EIF4E3: variants seen among roughly 807,000 people sequenced by gnomAD.
EIF4E3 encodes the protein eukaryotic translation initiation factor 4E type 3.
A neutral mutation model predicts 31.7 loss-of-function variants in EIF4E3; 26 were observed. That is an observed-to-expected ratio of 0.82 (90% CI 0.60 to 1.14). The LOEUF (loss-of-function observed/expected upper bound fraction) is 1.14. EIF4E3 is among the 50% of genes most tolerant of loss of function. EIF4E3 has a pLI of 0.00. For synonymous variants in EIF4E3, 128 were observed against 107.7 expected, an observed-to-expected ratio of 1.19 and a Z score of -1.17; for missense variants, 304 against 270.9, an observed-to-expected ratio of 1.12 and a Z score of -0.86.
chr3:71,754,711 C>T, upstream of EIF4E3: 1 of 1,484,050 alleles, frequency 6.7e-7, no homozygotes, highest in Non-Finnish European at 8.9e-7. The surrounding 1 kb of genome is among the most constrained non-coding windows in gnomAD (Gnocchi z 5.8). Flanking sequence ...CGCCTGGTGC[C>T]CGCCGTCAGC....
At chr3:71,718,231 G>T (rs1004243445) in intron 1 of EIF4E3, among the ~76,000 whole-genome samples, 1 of 152,196 alleles carries the variant, frequency 6.6e-6, no homozygotes, top group African/African-American at 2.4e-5. Flanking sequence ...CTCCATTAAA[G>T]ATGATTTCAT....
At chr3:71,693,603 TATTAA>T (rs2049092778) in intron 5 of EIF4E3, among the ~76,000 whole-genome samples, 1 of 152,158 alleles carries the variant, frequency 6.6e-6, no homozygotes, top group Non-Finnish European at 1.5e-5. Context: ...TTATAGATAC[TATTAA>T]ATTAAGCTAA....
chr3:71,710,873 G>A (rs1361817457), intron 1 of EIF4E3, among the ~76,000 whole-genome samples: 2 of 152,152 alleles, frequency 1.3e-5, no homozygotes, highest in South Asian at 2.1e-4. Context: ...CAGTGTCCTG[G>A]CCTGGTGATA....
downstream of EIF4E3, among the ~76,000 whole-genome samples, chr3:71,670,810 T>C (rs1464081190): frequency 6.6e-6 from 1 of 152,192 alleles, no homozygotes; most frequent in East Asian, 1.9e-4. Context: ...ATTGTCTCAT[T>C]TAATCTTCAC....
At chr3:71,705,888 G>A (rs1055013232) in intron 2 of EIF4E3, among the ~76,000 whole-genome samples, 1 of 152,096 alleles carries the variant, frequency 6.6e-6, no homozygotes, top group East Asian at 1.9e-4. Context: ...TCAGCTTCCT[G>A]AGTAGCTGAG....
At chr3:71,728,239 G>A (rs959400471), upstream of EIF4E3, among the ~76,000 whole-genome samples, 2 of 152,158 alleles carry the variant, frequency 1.3e-5, no homozygotes, top group African/African-American at 4.8e-5. Flanking sequence ...GCTAAGGAGG[G>A]AACAATGGTC....
In EIF4E3 at chr3:71,725,012, C is replaced by A. The variant is rs2049609844; in HGVS notation, c.176+180G>T. Among the ~76,000 whole-genome samples the A allele has an allele frequency of 6.6e-6, 1 of 151,994 alleles. No individual in the cohort carries two copies. Among genetic ancestry groups the A allele is most frequent in the African/African-American group, 2.4e-5 (1 of 41,420 alleles). ...GACGCCGAACAGCCGCCCGGCGCGGCCCGAAGCTGGCTTCCGACCCGGCGG... is the reference window on the plus strand; with the variant it reads ...GACGCCGAACAGCCGCCCGGCGCGGACCGAAGCTGGCTTCCGACCCGGCGG... On this transcript the variant is annotated intron_variant, in intron 1 of 6. Transcript: ENST00000425534. The surrounding 1 kb of genome is among the most constrained non-coding windows in gnomAD (Gnocchi z 6.1).
rs1226041392 is a variant in EIF4E3, at chr3:71,683,442, G to T, written c.*1240C>A. The T allele has an allele frequency of 2.0e-5, 3 of 152,230 alleles. No individual in the cohort carries two copies. The highest frequency in any genetic ancestry group is 7.2e-5 in the African/African-American group (3 of 41,452). 9.4% of individuals were successfully genotyped at this position (152,230 alleles called of 1,614,324 possible). A position where few individuals can be genotyped will look rare whatever the true frequency, so the allele number is the denominator to read the frequency against. Reference sequence around the variant, plus strand: ...CTTTATCAGGCAAAAGCAGCCAAAGGCTTGGCAAAGTCAGGAGAGGGAAAT... The same window carrying T: ...CTTTATCAGGCAAAAGCAGCCAAAGTCTTGGCAAAGTCAGGAGAGGGAAAT... On this transcript the variant is annotated 3_prime_UTR_variant, in exon 7 of 7. Transcript: ENST00000425534.
chr3:71,736,506 T>G (rs897525468), intron 1 of EIF4E3, among the ~76,000 whole-genome samples: 1 of 152,152 alleles, frequency 6.6e-6, no homozygotes, highest in South Asian at 2.1e-4. Flanking sequence ...TGAAAATACA[T>G]TGGGGAAACT....
At position 71,684,362 on chromosome 3, in the gene EIF4E3, A is replaced by C; in HGVS notation, c.*320T>G. On this transcript the variant is annotated 3_prime_UTR_variant, in exon 7 of 7. Coordinates refer to ENST00000425534, the MANE Select transcript of EIF4E3 (RefSeq NM_001134651.2). The stretch of plus-strand genomic sequence containing the variant: ...CAATGAAAGGGGAGTGTAGAAAACA[A>C]TAATTAGGCTGAATAAGGAATTTTA... 3.8e-6 allele frequency: 1 copy of C among 265,528 alleles called. No individual in the cohort carries two copies. The allele number at this position is 265,528 out of a possible 1,614,324, so 16.4% of individuals were successfully genotyped here. A position where few individuals can be genotyped will look rare whatever the true frequency, so the allele number is the denominator to read the frequency against.
intron 1 of EIF4E3, among the ~76,000 whole-genome samples, chr3:71,714,330 AAG>A (rs2049433572): frequency 6.9e-6 from 1 of 145,488 alleles, no homozygotes; most frequent in Non-Finnish European, 1.5e-5. Context: ...GAAAGAAAGA[AAG>A]AAAGAGAAAA....
At position 71,682,569 on chromosome 3, in the gene EIF4E3, T is replaced by C. The variant is rs1055098296; in HGVS notation, c.*2113A>G. The C allele has an allele frequency of 2.0e-5, 3 of 152,416 alleles. No individual in the cohort carries two copies. The highest frequency in any genetic ancestry group is 4.4e-5 in the Non-Finnish European group (3 of 68,032). The allele number at this position is 152,416 out of a possible 1,614,324, so 9.4% of individuals were successfully genotyped here. On this transcript the variant is annotated 3_prime_UTR_variant, in exon 7 of 7. Coordinates refer to ENST00000425534, the MANE Select transcript of EIF4E3 (RefSeq NM_001134651.2). ...CTGACAAAATCCTCTCTGAAAGTAA[T>C]TTAGATGATAGGTTTTTAACATTAG...
intron 1 of EIF4E3, among the ~76,000 whole-genome samples, chr3:71,732,593 A>G (rs1042229033): frequency 2.0e-5 from 3 of 152,242 alleles, no homozygotes; most frequent in Admixed American, 1.3e-4. Context: ...CAACCCTGTA[A>G]TAAACACTCT....
chr3:71,708,809 G>A (rs896782221), intron 2 of EIF4E3, among the ~76,000 whole-genome samples: 4 of 152,156 alleles, frequency 2.6e-5, no homozygotes, highest in African/African-American at 9.7e-5. Flanking sequence ...AGACGTGCAG[G>A]GAGGCCTCCC....
At chr3:71,669,276 T>C in the EIF4E3 span, among the ~76,000 whole-genome samples, 1 of 151,916 alleles carries the variant, frequency 6.6e-6, no homozygotes, top group Non-Finnish European at 1.5e-5. Flanking sequence ...GGGGAAGGGA[T>C]AGCATTAGGA....
chr3:71,745,003 G>T (rs1177249758), intron 1 of EIF4E3, among the ~76,000 whole-genome samples: 1 of 152,196 alleles, frequency 6.6e-6, no homozygotes, highest in Admixed American at 6.5e-5. Flanking sequence ...GTTTCTCTGA[G>T]AAATGCAGCT....
intron 1 of EIF4E3, among the ~76,000 whole-genome samples, chr3:71,743,204 G>A (rs890150096): frequency 3.9e-5 from 6 of 152,132 alleles, no homozygotes; most frequent in African/African-American, 9.7e-5. Context: ...CGGTAACATT[G>A]TCTATTCCAG....
chr3:71,687,356 C>T (rs576173369), intron 6 of EIF4E3, among the ~76,000 whole-genome samples: 101 of 152,254 alleles, frequency 6.6e-4, no homozygotes, highest in African/African-American at 1.9e-3. Context: ...ATAGGTAATA[C>T]GGAAACAAAT....
At chr3:71,666,993 G>A in the EIF4E3 span, among the ~76,000 whole-genome samples, 1 of 152,042 alleles carries the variant, frequency 6.6e-6, no homozygotes, top group African/African-American at 2.4e-5. Flanking sequence ...ACATCAATGC[G>A]AAAATCCTCA....
Sources: allele counts gnomAD v4.1 joint callset (sites outside exome capture counted in the v4.1 genomes callset), GRCh38; gene constraint gnomAD v4.1.1; non-coding constraint Gnocchi (gnomAD v3.1); transcripts MANE v1.5; gene names NCBI Gene and HGNC (gene_info 2026-07-23, HGNC 2026-07-21).